Variants in ADGRF5 observed in about 807,000 individuals in gnomAD.
ADGRF5 encodes the protein G-protein coupled receptor 116.
In ADGRF5, 75 loss-of-function variants were observed where a neutral mutation model predicts 132.3. That is an observed-to-expected ratio of 0.57 (90% CI 0.47 to 0.69). The LOEUF (loss-of-function observed/expected upper bound fraction) is 0.69, where lower values mean the gene tolerates loss of function less well. Ranked by LOEUF, ADGRF5 falls within the 30% of genes least tolerant of loss-of-function variation. ADGRF5 has a pLI of 0.00. For missense variants in ADGRF5, 1,516 were observed against 1,630.6 expected (o/e 0.93, Z 1.21); for synonymous variants, 629 against 597.6 (o/e 1.05, Z -0.77).
At chr6:46,908,436 C>A (rs111667534) in intron 1 of ADGRF5, among the ~76,000 whole-genome samples, 1 of 152,058 alleles carries the variant, frequency 6.6e-6, no homozygotes, top group South Asian at 2.1e-4. Context: ...GGCAGTTAAT[C>A]AAGGAGACGA....
chr6:46,905,454 G>T (rs1181672065), intron 2 of ADGRF5: 3 of 152,030 alleles, frequency 2.0e-5, no homozygotes, highest in Admixed American at 6.6e-5. Context: ...CTGAAGGTAA[G>T]ATCAAGCATT....
Position 46,862,969 on chromosome 6 carries a change from G to GT in ADGRF5, c.2117dup (p.Tyr706Ter). 6.2e-7 allele frequency: 1 copy of GT among 1,613,394 alleles called. No individual in the cohort carries two copies. Among genetic ancestry groups the GT allele is most frequent in the Non-Finnish European group, 8.5e-7 (1 of 1,179,534 alleles). The change falls in exon 15 of 21, where the codon TAC (tyrosine) becomes TAAC (stop). Residue 706 changes from tyrosine (Y) to a stop codon, truncating the protein, a stop_gained and frameshift_variant. Coordinates refer to ENST00000283296, the MANE Select transcript of ADGRF5 (RefSeq NM_001098518.2). LOFTEE classifies it high-confidence loss of function. ...CCTCCCACTGGGAGCCTACACATTT[G>GT]TAAGTGATGGTCCCGCCAATGGGAC... ...PESPIGGTITYKCVGSQWEEK... is the reference protein window; with the variant it reads ...PESPIGGTIT
chr6:46,883,995 G>T, intron 5 of ADGRF5, 100 bp downstream of exon 5: 2 of 966,554 alleles, frequency 2.1e-6, no homozygotes, highest in Non-Finnish European at 1.6e-6. Context: ...ATCCACATCG[G>T]ACTATCAAAG....
chr6:46,905,521 T>A (rs1303985517), intron 2 of ADGRF5: 1 of 151,858 alleles, frequency 6.6e-6, no homozygotes, highest in Non-Finnish European at 1.5e-5. Flanking sequence ...CAAGTTTGGT[T>A]TAAAAGAAAA....
At chr6:46,922,877 T>C (rs1229661913), upstream of ADGRF5, among the ~76,000 whole-genome samples, 4 of 152,204 alleles carry the variant, frequency 2.6e-5, no homozygotes, top group East Asian at 7.7e-4. Flanking sequence ...GATGCTTTAG[T>C]CCCACCAATT....
intron 1 of ADGRF5, among the ~76,000 whole-genome samples, chr6:46,913,080 T>C (rs1221797909): frequency 6.6e-6 from 1 of 152,140 alleles, no homozygotes; most frequent in African/African-American, 2.4e-5. Context: ...TAAATTCTTC[T>C]TAGTACTCCC....
chr6:46,951,629 T>G (rs1300912547), intron 1 of ADGRF5, among the ~76,000 whole-genome samples: 1 of 152,098 alleles, frequency 6.6e-6, no homozygotes, highest in African/African-American at 2.4e-5. Context: ...TGCTTCTAGG[T>G]TTTTCCTGCA....
intron 1 of ADGRF5, among the ~76,000 whole-genome samples, chr6:46,942,842 C>T (rs142108278): frequency 6.6e-6 from 1 of 152,220 alleles, no homozygotes; most frequent in East Asian, 1.9e-4. Context: ...CATGCATAAC[C>T]ATGAGAGATG....
rs1405192036 is a variant in ADGRF5, at chr6:46,852,897, T to C, written c.*1095A>G. 6.6e-6 allele frequency: 1 copy of C among 152,538 alleles called. No homozygotes were observed. Among genetic ancestry groups the C allele is most frequent in the Non-Finnish European group, 1.5e-5 (1 of 68,018 alleles). 9.4% of individuals were successfully genotyped at this position (152,538 alleles called of 1,614,324 possible). On this transcript the variant is annotated 3_prime_UTR_variant, in exon 21 of 21. Coordinates refer to ENST00000283296, the MANE Select transcript of ADGRF5 (RefSeq NM_001098518.2). ...ACACACCAAGGGCCAGTATCCACAA[T>C]AATAATAACAGTGACAACAGCAATA... is the stretch of plus-strand genomic sequence containing the variant.
chr6:46,924,886 T>C (rs561299576), upstream of ADGRF5, among the ~76,000 whole-genome samples: 1 of 152,250 alleles, frequency 6.6e-6, no homozygotes, highest in Non-Finnish European at 1.5e-5. Context: ...ATGCATAGTC[T>C]GGCACTTCTT....
At position 46,953,651 on chromosome 6, in the gene ADGRF5, G is replaced by GTATATATATATATATC. The variant is rs1778589735; in HGVS notation, c.-25+1082_-25+1083insGATATATATATATATA. Reference sequence around the variant, plus strand: ...AAATTATATATATATAGATATATGTGTATATATATATATATATATATATAT... The same window carrying GTATATATATATATATC: ...AAATTATATATATATAGATATATGTGTATATATATATATATCTATATATATATATATATATATATAT... On this transcript the variant is annotated intron_variant, in intron 1 of 20. Transcript: ENST00000265417. Among the ~76,000 whole-genome samples the GTATATATATATATATC allele has an allele frequency of 9.5e-5, 4 of 42,196 alleles. 1 individual carries two copies. Among genetic ancestry groups the GTATATATATATATATC allele is most frequent in the African/African-American group, 2.8e-4 (4 of 14,260 alleles). The allele number at this position is 42,196 out of a possible 152,430, so 27.7% of individuals were successfully genotyped here.
At chr6:46,897,716 G>A (rs113769427) in intron 3 of ADGRF5, among the ~76,000 whole-genome samples, 2 of 152,064 alleles carry the variant, frequency 1.3e-5, no homozygotes, top group Non-Finnish European at 2.9e-5. Context: ...CTGGGAATAC[G>A]ACTATTTTTA....
At chr6:46,942,076 T>C (rs973294946) in intron 1 of ADGRF5, among the ~76,000 whole-genome samples, 4 of 152,180 alleles carry the variant, frequency 2.6e-5, no homozygotes, top group African/African-American at 7.2e-5. Context: ...TGTTCTCCAG[T>C]CTGCCAACTC....
In ADGRF5 at chr6:46,853,544, C is replaced by G. The variant is rs562773527; in HGVS notation, c.*448G>C. ...CATCTTTCTCTTTTTCTTCTTTTTC[C>G]CTTTCTCCCTGTTTCCCTCCCTTCT... On this transcript the variant is annotated 3_prime_UTR_variant, in exon 21 of 21. Transcript: ENST00000283296. 6.5e-6 allele frequency: 1 copy of G among 153,792 alleles called. No individual in the cohort carries two copies. The highest frequency in any genetic ancestry group is 2.0e-4 in the South Asian group (1 of 4,932). 9.5% of individuals were successfully genotyped at this position (153,792 alleles called of 1,614,324 possible).
chr6:46,914,713 T>C (rs964667218), intron 1 of ADGRF5, among the ~76,000 whole-genome samples: 90 of 151,844 alleles, frequency 5.9e-4, no homozygotes, highest in African/African-American at 2.1e-3. Context: ...ACTGCTCTTA[T>C]CTAGTCCGTC....
At chr6:46,919,145 A>G (rs1342690881) in intron 1 of ADGRF5, among the ~76,000 whole-genome samples, 1 of 152,196 alleles carries the variant, frequency 6.6e-6, no homozygotes, top group Non-Finnish European at 1.5e-5. Flanking sequence ...TTCCCAGCAA[A>G]CATCTACCAT....
intron 10 of ADGRF5, among the ~76,000 whole-genome samples, chr6:46,874,881 G>A (rs576936879): frequency 6.6e-6 from 1 of 152,320 alleles, no homozygotes; most frequent in South Asian, 2.1e-4. Context: ...GACATTTTTG[G>A]TTGTTGTAAC....
chr6:46,867,131 T>C lies in ADGRF5; in HGVS notation c.1628A>G (p.Tyr543Cys). ...ATTCTTATATCTAAATATGCAGTGA[T>C]AGGTTCCTGAGTAGAAGACGGCAAA... ...KTSTREWNGT[Y>C]HCIFRYKNSY... The change falls in exon 13 of 21, where the codon TAT becomes TGT. Residue 543 changes from tyrosine to cysteine, a missense_variant. This residue lies in a region of ADGRF5 where 945 missense variants were observed against 929.4 expected (regional missense o/e 1.02). Coordinates refer to ENST00000283296, the MANE Select transcript of ADGRF5 (RefSeq NM_001098518.2). The C allele has an allele frequency of 6.3e-7, 1 of 1,594,770 alleles. No individual in the cohort carries two copies. The highest frequency in any genetic ancestry group is 8.6e-7 in the Non-Finnish European group (1 of 1,163,850).
rs965646873 is a variant in ADGRF5 at position 46,858,432 on chromosome 6, C to T, written c.3471G>A (p.Thr1157=). The T allele has an allele frequency of 5.0e-6, 8 of 1,613,798 alleles. No homozygotes were observed. Among genetic ancestry groups the T allele is most frequent in the African/African-American group, 4.0e-5 (3 of 74,888 alleles). The change falls in exon 17 of 21, where the codon ACG becomes ACA. Residue 1157 remains threonine, a synonymous_variant. Transcript: ENST00000283296. Reference sequence around the variant, plus strand: ...AGTTGAGCCAACAGACATTCTTCCTCGTATAGACTTCCCGGGGCTGGGTGG... The same window carrying T: ...AGTTGAGCCAACAGACATTCTTCCTTGTATAGACTTCCCGGGGCTGGGTGG... ...LGATQPREVY[T]RKNVCWLNWE... is the part of the protein sequence containing the mutation.
Sources: allele counts gnomAD v4.1 joint callset (sites outside exome capture counted in the v4.1 genomes callset), GRCh38; gene constraint gnomAD v4.1.1; regional missense constraint gnomAD v4.1.1; transcripts MANE v1.5; gene names NCBI Gene and HGNC (gene_info 2026-07-23, HGNC 2026-07-21).